The following FBN1 variants were observed in gnomAD, a reference collection of about 807,000 sequenced individuals.
FBN1 encodes the protein fibrillin-1.
Under a neutral mutation model 365.1 loss-of-function variants are expected in FBN1, and 29 were observed. That is an observed-to-expected ratio of 0.08 (90% confidence interval 0.06 to 0.11). FBN1 has a LOEUF of 0.11. Among genes scored for constraint, FBN1 ranks in the 10% least tolerant of loss-of-function variants. The pLI, the probability that FBN1 is intolerant of heterozygous loss-of-function variation, is 1.00. For missense variants in FBN1, 2,476 were observed against 3,703.2 expected, an observed-to-expected ratio of 0.67 and a Z score of 8.60; for synonymous variants, 1,210 against 1,270.5, an observed-to-expected ratio of 0.95 and a Z score of 1.01.
intron 35 of FBN1, 89 bp from the exon 36 acceptor site, chr15:48,470,845 A>C (rs1014431733): frequency 2.8e-6 from 4 of 1,436,056 alleles, no homozygotes; most frequent in Non-Finnish European, 2.9e-6. Context: ...TAATGTAAAT[A>C]CTAAGAAAAT....
intron 6 of FBN1, among the ~76,000 whole-genome samples, chr15:48,592,017 T>C (rs1227662166): frequency 1.3e-5 from 2 of 152,218 alleles, no homozygotes; most frequent in African/African-American, 4.8e-5. Context: ...CTCATAAGGT[T>C]GTTGCAAATC....
chr15:48,470,374 C>T (rs2043361686), intron 36 of FBN1, among the ~76,000 whole-genome samples: 2 of 152,180 alleles, frequency 1.3e-5, no homozygotes, highest in African/African-American at 2.4e-5. Context: ...ACCACTAGAG[C>T]ACCCCTAGAA....
At chr15:48,627,979 G>A (rs1889915757) in intron 2 of FBN1, among the ~76,000 whole-genome samples, 1 of 152,154 alleles carries the variant, frequency 6.6e-6, no homozygotes, top group Admixed American at 6.5e-5. Context: ...TACCTAAAGG[G>A]CTTCCAAATC....
At position 48,411,393 on chromosome 15, in the gene FBN1, T is replaced by C. The variant is rs377038959; in HGVS notation, c.8227-14A>G. The C allele has an allele frequency of 1.4e-5, 22 of 1,612,836 alleles. 1 individual carries two copies. The South Asian group carries it at 2.4e-4, about 18-fold the overall frequency. ...CTCAGACTGATCCTGGAAAGACACATGGCAATATGTTAAATACAATGTACA... is the reference window on the plus strand; with the variant it reads ...CTCAGACTGATCCTGGAAAGACACACGGCAATATGTTAAATACAATGTACA... On this transcript the variant is annotated splice_polypyrimidine_tract_variant and intron_variant, in intron 65 of 65. Coordinates refer to ENST00000316623, the MANE Select transcript of FBN1 (RefSeq NM_000138.5).
At chr15:48,412,871 C>A (rs749548832) in intron 64 of FBN1, 128 bp from the exon 65 acceptor site, 1 of 1,099,746 alleles carries the variant, frequency 9.1e-7, no homozygotes. Flanking sequence ...ACTGGAGGAT[C>A]AGCTAGTTCT....
intron 6 of FBN1, among the ~76,000 whole-genome samples, chr15:48,567,580 A>T (rs2044266835): frequency 6.6e-6 from 1 of 152,174 alleles, no homozygotes; most frequent in Non-Finnish European, 1.5e-5. Context: ...CTATCACACC[A>T]AATCCAACAA....
Position 48,411,036 on chromosome 15 carries a change from T to C in FBN1, c.8570A>G (p.Glu2857Gly). The change falls in exon 66 of 66, where the codon GAA (glutamate) becomes GGA (glycine). Residue 2857 changes from glutamate (E) to glycine (G), a missense_variant. Physicochemically the swap from Glu to Gly is moderately conservative, Grantham distance 98. Transcript: ENST00000316623. ...TTTCATCTTCAGATTATCACCCAGT[T>C]CACCACTGAGGTAGTCTTTGTCATA... Reference protein sequence around the residue: ...DKYDKDYLSGELGDNLKMKIQ... With the variant: ...DKYDKDYLSGGLGDNLKMKIQ... The C allele has an allele frequency of 6.2e-7, 1 of 1,614,028 alleles. No individual in the cohort carries two copies.
At chr15:48,548,237 TCTCTTGGCAGCTC>T (rs1397890248) in intron 6 of FBN1, among the ~76,000 whole-genome samples, 2 of 152,014 alleles carry the variant, frequency 1.3e-5, no homozygotes, top group African/African-American at 4.8e-5. Context: ...TCACATGGGG[TCTCTTGGCAGCTC>T]CACTGGAAAC....
At chr15:48,494,033 A>G (rs936374628) in intron 23 of FBN1, among the ~76,000 whole-genome samples, 171 bp downstream of exon 23, 1 of 152,112 alleles carries the variant, frequency 6.6e-6, no homozygotes, top group Non-Finnish European at 1.5e-5. Flanking sequence ...TAGCAACAGT[A>G]TATATATGCT....
chr15:48,625,199 A>C (rs1889852641), intron 2 of FBN1, among the ~76,000 whole-genome samples: 1 of 152,182 alleles, frequency 6.6e-6, no homozygotes, highest in Admixed American at 6.5e-5. Context: ...TGTCCAATAG[A>C]AACAATGTTA....
intron 4 of FBN1, among the ~76,000 whole-genome samples, chr15:48,604,058 G>T (rs1174024614): frequency 1.3e-5 from 2 of 152,190 alleles, no homozygotes; most frequent in African/African-American, 2.4e-5. Context: ...AAGAGCAGAA[G>T]AAATTTTCTT....
Position 48,515,501 on chromosome 15 carries a change from A to T in FBN1, c.1354T>A (p.Tyr452Asn). Residue 452 changes from tyrosine (Y) to asparagine (N), a missense_variant, in exon 12 of 66, where the codon TAC becomes AAC. Tyr to Asn is a moderately radical substitution (Grantham distance 143). This residue lies in a region of FBN1 where 421 missense variants were observed against 520.1 expected (regional missense o/e 0.81). Coordinates refer to ENST00000316623, the MANE Select transcript of FBN1 (RefSeq NM_000138.5). ...PRVLPVNVTD[Y>N]CQLVRYLCQN... ...CAGAGATAGCGGACCAACTGGCAGTAATCAGTAACGTTTACTGGCAGCACC... is the reference window on the plus strand; with the variant it reads ...CAGAGATAGCGGACCAACTGGCAGTTATCAGTAACGTTTACTGGCAGCACC... 1 of 1,614,040 alleles carries T rather than the reference A, an allele frequency of 6.2e-7. No homozygotes were observed. The highest frequency in any genetic ancestry group is 8.5e-7 in the Non-Finnish European group (1 of 1,179,894).
At chr15:48,496,506 G>T (rs1348281883) in intron 19 of FBN1, among the ~76,000 whole-genome samples, 1 of 152,032 alleles carries the variant, frequency 6.6e-6, no homozygotes, top group African/African-American at 2.4e-5. Context: ...ATACAGATTT[G>T]CTGGAAATCA....
intron 32 of FBN1, among the ~76,000 whole-genome samples, chr15:48,480,615 A>G (rs1041288864): frequency 6.6e-6 from 1 of 152,170 alleles, no homozygotes; most frequent in African/African-American, 2.4e-5. Context: ...ATAAATTTGA[A>G]ATAGCATTAT....
rs761997019 is a variant in FBN1 at position 48,490,005 on chromosome 15, G to A, written c.2928C>T (p.Arg976=). Residue 976 remains arginine, a synonymous_variant, in exon 25 of 66, where the codon CGC becomes CGT. Coordinates refer to ENST00000316623, the MANE Select transcript of FBN1 (RefSeq NM_000138.5). ...CGACGGAGCAGCAGCAGGCGTCCAT[G>A]CGGTGGCGGCCAGCAATAGGCAGGG... ...ECTLPIAGRH[R]MDACCCSVGA... is the part of the protein sequence containing the mutation. 70 of 1,614,104 alleles carry A rather than the reference G, an allele frequency of 4.3e-5. 2 individuals carry two copies. In the South Asian group the frequency reaches 7.6e-4, roughly 17 times the overall value.
intron 9 of FBN1, among the ~76,000 whole-genome samples, chr15:48,525,125 C>T (rs1484106965): frequency 6.6e-6 from 1 of 151,088 alleles, no homozygotes; most frequent in African/African-American, 2.4e-5. Context: ...CTCGTTCTAT[C>T]GCCCAGGCTG....
At chr15:48,468,205 T>C (rs1003579394) in intron 37 of FBN1, 103 bp from the exon 38 acceptor site, 3 of 1,488,684 alleles carry the variant, frequency 2.0e-6, no homozygotes, top group South Asian at 1.2e-5. Flanking sequence ...TAATTTACTT[T>C]TACTGAGAAA....
intron 35 of FBN1, among the ~76,000 whole-genome samples, chr15:48,471,765 G>A (rs994437720): frequency 6.6e-6 from 1 of 152,202 alleles, no homozygotes; most frequent in South Asian, 2.1e-4. Context: ...AACTTCTACT[G>A]ACAATCGTTA....
At chr15:48,576,586 T>G (rs1482214258) in intron 6 of FBN1, among the ~76,000 whole-genome samples, 4 of 152,032 alleles carry the variant, frequency 2.6e-5, no homozygotes, top group Non-Finnish European at 4.4e-5. Context: ...GAGGGAGAGA[T>G]AGATGCAGGG....
Sources: allele counts gnomAD v4.1 joint callset (sites outside exome capture counted in the v4.1 genomes callset), GRCh38; gene constraint gnomAD v4.1.1; regional missense constraint gnomAD v4.1.1; transcripts MANE v1.5; gene names NCBI Gene and HGNC (gene_info 2026-07-23, HGNC 2026-07-21).